LUZP2: variants seen among roughly 807,000 people sequenced by gnomAD.
LUZP2 encodes leucine zipper protein 2.
In LUZP2, 52 loss-of-function variants were observed where a neutral mutation model predicts 51.6. The observed-to-expected ratio is 1.01, with a 90% CI of 0.81 to 1.27. The LOEUF is 1.27. Ranked by LOEUF, LUZP2 falls within the 50% of genes most tolerant of loss-of-function variation. LUZP2 has a pLI of 0.00. For synonymous variants in LUZP2, 154 were observed against 137.3 expected, an observed-to-expected ratio of 1.12 and a Z score of -0.85; for missense variants, 436 against 395.4, an observed-to-expected ratio of 1.10 and a Z score of -0.87.
At chr11:24,608,216 G>A (rs988697675) in intron 1 of LUZP2, among the ~76,000 whole-genome samples, 2 of 152,128 alleles carry the variant, frequency 1.3e-5, no homozygotes, top group African/African-American at 2.4e-5. Flanking sequence ...TCTCTGTCCT[G>A]TATTCACCTT....
In LUZP2 at chr11:25,029,140, T is replaced by C. The variant is rs909762182; in HGVS notation, c.766-20898T>C. Reference sequence around the variant, plus strand: ...ATGGTTAATGGCTACAAAAAGAAAATAGAAAGAATAAATAAGACCTACTAT... The same window carrying C: ...ATGGTTAATGGCTACAAAAAGAAAACAGAAAGAATAAATAAGACCTACTAT... On this transcript the variant is annotated intron_variant, in intron 9 of 11. Coordinates refer to ENST00000336930, the MANE Select transcript of LUZP2 (RefSeq NM_001009909.4). Among the ~76,000 whole-genome samples, 6 of 151,574 alleles carry C rather than the reference T, an allele frequency of 4.0e-5. No individual in the cohort carries two copies. The South Asian group carries it at 1.2e-3, about 31-fold the overall frequency.
At chr11:24,981,552 G>A (rs963931418) in intron 8 of LUZP2, among the ~76,000 whole-genome samples, 1 of 151,668 alleles carries the variant, frequency 6.6e-6, no homozygotes, top group African/African-American at 2.4e-5. Context: ...GCCTAACCTG[G>A]GAATGCAGCC....
intron 5 of LUZP2, among the ~76,000 whole-genome samples, chr11:24,817,420 G>A (rs535339419): frequency 1.2e-4 from 18 of 152,044 alleles, no homozygotes; most frequent in African/African-American, 4.3e-4. Flanking sequence ...ACATAAAGGT[G>A]TATAACATCC....
intron 5 of LUZP2, among the ~76,000 whole-genome samples, chr11:24,846,805 C>A (rs538375938): frequency 5.9e-5 from 9 of 151,716 alleles, no homozygotes; most frequent in African/African-American, 1.9e-4. Flanking sequence ...CTCTCTTTTT[C>A]TTTCTCTCTG....
At chr11:24,682,000 C>T (rs1042086742) in intron 1 of LUZP2, among the ~76,000 whole-genome samples, 1 of 152,170 alleles carries the variant, frequency 6.6e-6, no homozygotes, top group African/African-American at 2.4e-5. Context: ...TATACTATCA[C>T]AAATTATTTC....
At chr11:24,531,787 A>T (rs1396850) in intron 1 of LUZP2, among the ~76,000 whole-genome samples, 1 of 150,634 alleles carries the variant, frequency 6.6e-6, no homozygotes, top group African/African-American at 2.4e-5. Context: ...CAAAATATGC[A>T]GCCATTTCAG....
chr11:24,536,216 A>G (rs548589748), intron 1 of LUZP2, among the ~76,000 whole-genome samples: 1 of 151,856 alleles, frequency 6.6e-6, no homozygotes, highest in Non-Finnish European at 1.5e-5. Flanking sequence ...GAGATTTTTG[A>G]AATGGTCAGT....
intron 7 of LUZP2, among the ~76,000 whole-genome samples, chr11:24,957,366 G>A (rs1855240622): frequency 6.6e-6 from 1 of 151,882 alleles, no homozygotes; most frequent in Admixed American, 6.6e-5. Flanking sequence ...TTTTTATAGT[G>A]AGAACACTTG....
At chr11:24,998,821 T>G (rs1053414263) in intron 9 of LUZP2, among the ~76,000 whole-genome samples, 2 of 152,170 alleles carry the variant, frequency 1.3e-5, no homozygotes, top group Non-Finnish European at 2.9e-5. Flanking sequence ...CATTTTTTTT[T>G]GTTTTTGGTT....
chr11:24,913,405 A>G (rs1270889852), intron 6 of LUZP2, among the ~76,000 whole-genome samples: 3 of 152,136 alleles, frequency 2.0e-5, no homozygotes, highest in African/African-American at 7.2e-5. Flanking sequence ...ATATACTACA[A>G]TTTATCTCTT....
At chr11:24,949,304 CT>C (rs1383396051) in intron 7 of LUZP2, among the ~76,000 whole-genome samples, 1 of 92,984 alleles carries the variant, frequency 1.1e-5, no homozygotes, top group Non-Finnish European at 2.3e-5. Flanking sequence ...ATCTATCTAT[CT>C]ATCTATCTAT....
At chr11:25,003,204 A>G (rs1015411289) in intron 9 of LUZP2, among the ~76,000 whole-genome samples, 1 of 152,154 alleles carries the variant, frequency 6.6e-6, no homozygotes, top group African/African-American at 2.4e-5. Context: ...TCATCCACAT[A>G]CTGAAGGACC....
At chr11:24,767,722 C>G (rs535648476) in intron 5 of LUZP2, among the ~76,000 whole-genome samples, 90 of 152,302 alleles carry the variant, frequency 5.9e-4, no homozygotes, top group Non-Finnish European at 1.2e-3. Context: ...TTTTAATTTA[C>G]TTTAACACAT....
chr11:24,506,698 T>A (rs1341089800), intron 1 of LUZP2, among the ~76,000 whole-genome samples: 1 of 152,148 alleles, frequency 6.6e-6, no homozygotes, highest in Non-Finnish European at 1.5e-5. Flanking sequence ...ACTTACTCTT[T>A]GTCACTTAAT....
chr11:24,564,445 A>G (rs922935384), intron 1 of LUZP2, among the ~76,000 whole-genome samples: 2 of 152,182 alleles, frequency 1.3e-5, no homozygotes, highest in Non-Finnish European at 2.9e-5. Flanking sequence ...ATTCCTCTTG[A>G]ACTATTAAGA....
intron 1 of LUZP2, among the ~76,000 whole-genome samples, chr11:24,586,723 A>AT (rs1460348610): frequency 2.0e-5 from 3 of 152,140 alleles, no homozygotes; most frequent in African/African-American, 7.2e-5. Flanking sequence ...TAGTGTTAAA[A>AT]TTCAAATGCA....
Position 24,778,979 on chromosome 11 carries a change from A to G in LUZP2, c.396+15671A>G, listed in dbSNP as rs544824302. Among the ~76,000 whole-genome samples, 42 of 152,320 alleles carry G rather than the reference A, an allele frequency of 2.8e-4. No homozygotes were observed. The South Asian group carries it at 7.0e-3, about 26-fold the overall frequency. On this transcript the variant is annotated intron_variant, in intron 5 of 11. Transcript: ENST00000336930. Reference sequence around the variant, plus strand: ...ATTAGTATTTCAAACAGGTGACTCTAAAATGTGTTTGGATTTGCCTAGAGA... The same window carrying G: ...ATTAGTATTTCAAACAGGTGACTCTGAAATGTGTTTGGATTTGCCTAGAGA...
chr11:24,932,491 A>G (rs983392217), intron 7 of LUZP2, among the ~76,000 whole-genome samples: 1 of 152,018 alleles, frequency 6.6e-6, no homozygotes. Context: ...GCTATGAGGG[A>G]TAGGGGTGTG....
chr11:24,784,015 C>CT (rs1849168791), intron 5 of LUZP2, among the ~76,000 whole-genome samples: 1 of 151,880 alleles, frequency 6.6e-6, no homozygotes, highest in East Asian at 1.9e-4. Context: ...ATTTGTGCAG[C>CT]TTCTAGGCCT....
Sources: gnomAD v4.1 joint callset for allele counts (sites outside exome capture counted in the v4.1 genomes callset) on GRCh38, gnomAD v4.1.1 for gene constraint, MANE v1.5 for transcripts, NCBI Gene and HGNC (gene_info 2026-07-23, HGNC 2026-07-21) for gene names.